Variants in DAG1 observed in about 807,000 individuals in gnomAD.
DAG1 encodes dystroglycan 1 (dystrophin-associated glycoprotein 1).
A neutral mutation model predicts 46.1 loss-of-function variants in DAG1; 8 were observed. The observed-to-expected ratio is 0.17, with a 90% CI of 0.10 to 0.31. The LOEUF (loss-of-function observed/expected upper bound fraction) is 0.31. Among genes scored for constraint, DAG1 ranks in the 10% least tolerant of loss-of-function variants. The pLI, the probability that DAG1 is intolerant of heterozygous loss-of-function variation, is 1.00. For missense variants in DAG1, 1,003 were observed against 1,189.9 expected (o/e 0.84, Z 2.31); for synonymous variants, 495 against 481.8 (o/e 1.03, Z -0.36).
chr3:49,535,070 G>C lies in DAG1; in HGVS notation c.*1871G>C, dbSNP rs1363166650. 2 of 152,250 alleles carry C rather than the reference G, an allele frequency of 1.3e-5. No individual in the cohort carries two copies. Among genetic ancestry groups the C allele is most frequent in the Non-Finnish European group, 2.9e-5 (2 of 68,074 alleles). The allele number at this position is 152,250 out of a possible 1,614,324, so 9.4% of individuals were successfully genotyped here. A position where few individuals can be genotyped will look rare whatever the true frequency, so the allele number is the denominator to read the frequency against. ...TCTCCCCTGCCCCAGTCCCCAGGGGGTACTCTGGAGTGAGCAGTGCCCCTG... is the reference window on the plus strand; with the variant it reads ...TCTCCCCTGCCCCAGTCCCCAGGGGCTACTCTGGAGTGAGCAGTGCCCCTG... On this transcript the variant is annotated 3_prime_UTR_variant, in exon 3 of 3. Coordinates refer to ENST00000308775, the MANE Select transcript of DAG1 (RefSeq NM_004393.6).
chr3:49,491,466 A>G (rs1223637263), intron 1 of DAG1, among the ~76,000 whole-genome samples: 1 of 151,256 alleles, frequency 6.6e-6, no homozygotes, highest in Non-Finnish European at 1.5e-5. Context: ...ACCTGCCACT[A>G]TGTCCTGCTA....
rs117755396 is a variant in DAG1 at position 49,475,559 on chromosome 3, C to T, written c.-117+5126C>T. Among the ~76,000 whole-genome samples the T allele has an allele frequency of 9.0e-4, 137 of 151,808 alleles. 1 individual carries two copies. In the East Asian group the frequency reaches 0.017, roughly 19 times the overall value. On this transcript the variant is annotated intron_variant, in intron 1 of 2. Coordinates refer to ENST00000308775, the MANE Select transcript of DAG1 (RefSeq NM_004393.6). ...AGCTGGGATTACAGGTATGAGCCACCGTGCCCAGCCAGCAATTTCTATAAA... is the reference window on the plus strand; with the variant it reads ...AGCTGGGATTACAGGTATGAGCCACTGTGCCCAGCCAGCAATTTCTATAAA...
chr3:49,507,029 TC>T (rs1387935338), intron 1 of DAG1, among the ~76,000 whole-genome samples: 1 of 151,238 alleles, frequency 6.6e-6, no homozygotes, highest in African/African-American at 2.4e-5. Context: ...ACAAAATGAA[TC>T]AGGATGTGTT....
chr3:49,510,190 T>C (rs998812714), intron 1 of DAG1: 2 of 488,290 alleles, frequency 4.1e-6, no homozygotes, highest in African/African-American at 4.0e-5. Context: ...TTACATTCAT[T>C]TTTTATGAAG....
chr3:49,507,625 TTTTTTCTTTTTTTTTC>T (rs1184419930), intron 1 of DAG1, among the ~76,000 whole-genome samples: 2 of 151,452 alleles, frequency 1.3e-5, no homozygotes, highest in Admixed American at 6.6e-5. Context: ...TTCTTTTCTT[TTTTTTCTTTTTTTTTC>T]TTTTTCTTTT....
intron 1 of DAG1, among the ~76,000 whole-genome samples, chr3:49,473,408 C>T (rs892361710): frequency 2.6e-5 from 4 of 151,802 alleles, no homozygotes; most frequent in South Asian, 2.1e-4. Context: ...GGCGACAGAG[C>T]GAGACTCCGT....
At chr3:49,510,135 C>G (rs1196632763) in intron 1 of DAG1, 5 of 425,864 alleles carry the variant, frequency 1.2e-5, no homozygotes, top group Non-Finnish European at 1.2e-5. Context: ...TAATACATAT[C>G]ATTTCAGTTT....
Position 49,535,253 on chromosome 3 carries a change from A to G in DAG1, c.*2054A>G, listed in dbSNP as rs768536363. ...CTCATCAAAAAATAAACAATTCCCA[A>G]TGTTCCAGGTGAGGGCTTTGAAAGG... is the stretch of plus-strand genomic sequence containing the variant. On this transcript the variant is annotated 3_prime_UTR_variant, in exon 3 of 3. Coordinates refer to ENST00000308775, the MANE Select transcript of DAG1 (RefSeq NM_004393.6). The G allele has an allele frequency of 3.3e-5, 5 of 152,558 alleles. No individual in the cohort carries two copies. The highest frequency in any genetic ancestry group is 6.5e-5 in the Admixed American group (1 of 15,278). The allele number at this position is 152,558 out of a possible 1,614,324, so 9.5% of individuals were successfully genotyped here. A position where few individuals can be genotyped will look rare whatever the true frequency, so the allele number is the denominator to read the frequency against.
intron 2 of DAG1, among the ~76,000 whole-genome samples, chr3:49,524,761 T>C (rs990999704): frequency 6.6e-6 from 1 of 152,004 alleles, no homozygotes; most frequent in African/African-American, 2.4e-5. Context: ...GGCAGGAGGA[T>C]TGCTTGAGCC....
At chr3:49,491,315 G>GT (rs71226763) in intron 1 of DAG1, among the ~76,000 whole-genome samples, 57,842 of 139,480 alleles carry the variant, frequency 0.41, 13,261 homozygotes, top group East Asian at 0.92. Context: ...CAGCCAAGTT[G>GT]TTTTTTTTTT....
intron 1 of DAG1, chr3:49,488,652 G>C (rs1198968375): frequency 6.6e-6 from 1 of 151,978 alleles, no homozygotes; most frequent in Non-Finnish European, 1.5e-5. Flanking sequence ...TCCCATGCTG[G>C]AGTGCAGTGG....
upstream of DAG1, among the ~76,000 whole-genome samples, chr3:49,469,981 GTCCCGGGACGGACT>G (rs1221531835): frequency 1.3e-5 from 2 of 152,162 alleles, no homozygotes; most frequent in Non-Finnish European, 2.9e-5. Context: ...GCCGGGGTGT[GTCCCGGGACGGACT>G]TCCCTGGCCG....
At chr3:49,510,227 A>G in intron 1 of DAG1, 192 bp from the exon 2 acceptor site, 1 of 520,504 alleles carries the variant, frequency 1.9e-6, no homozygotes, top group Non-Finnish European at 3.4e-6. Flanking sequence ...TATATTTTAT[A>G]TTTAATGGAT....
Position 49,533,144 on chromosome 3 carries a change from C to A in DAG1, c.2633C>A (p.Ser878Tyr). ...PFTAPMEGKG[S>Y]RPKNMTPYRS... ...ACAGCACCCATGGAGGGCAAGGGCT[C>A]CCGTCCCAAGAACATGACCCCATAC... is the stretch of plus-strand genomic sequence containing the variant. Residue 878 changes from serine (S) to tyrosine (Y), a missense_variant, in exon 3 of 3, where the codon TCC (serine) becomes TAC (tyrosine). Physicochemically the swap from Ser to Tyr is moderately radical, Grantham distance 144. This residue lies in a region of DAG1 where 755 missense variants were observed against 854.1 expected (regional missense o/e 0.88). Transcript: ENST00000308775. The A allele has an allele frequency of 6.2e-7, 1 of 1,614,166 alleles. No homozygotes were observed. Among genetic ancestry groups the A allele is most frequent in the Non-Finnish European group, 8.5e-7 (1 of 1,180,042 alleles).
At chr3:49,496,568 G>T (rs1158291914) in intron 1 of DAG1, among the ~76,000 whole-genome samples, 2 of 151,628 alleles carry the variant, frequency 1.3e-5, no homozygotes, top group Non-Finnish European at 2.9e-5. Context: ...CACCATATTG[G>T]CCAGGCTGGT....
At chr3:49,513,312 G>A (rs909047072) in intron 2 of DAG1, among the ~76,000 whole-genome samples, 7 of 152,142 alleles carry the variant, frequency 4.6e-5, no homozygotes, top group Admixed American at 1.3e-4. Context: ...CTCAAAGCAC[G>A]ATAGATGGAT....
intron 1 of DAG1, among the ~76,000 whole-genome samples, chr3:49,502,713 A>G (rs773977195): frequency 7.0e-6 from 1 of 143,456 alleles, no homozygotes; most frequent in Non-Finnish European, 1.5e-5. Flanking sequence ...ATCTCGGCTC[A>G]CTACAAGCTC....
At position 49,526,539 on chromosome 3, in the gene DAG1, T is replaced by C. The variant is rs1575404911; in HGVS notation, c.286-4258T>C. 2.6e-5 allele frequency among the ~76,000 whole-genome samples: 4 copies of C among 151,294 alleles called. No individual in the cohort carries two copies. In the East Asian group the frequency reaches 5.9e-4, roughly 22 times the overall value. ...GCCTGGGCAACATGGCGAAATCCCA[T>C]CTCTAAAAAAAGAAAAAGAAAAAAA... On this transcript the variant is annotated intron_variant, in intron 2 of 2. Transcript: ENST00000308775.
At position 49,514,460 on chromosome 3, in the gene DAG1, G is replaced by A. The variant is rs1304400400; in HGVS notation, c.285+3641G>A. Among the ~76,000 whole-genome samples, 3 of 152,160 alleles carry A rather than the reference G, an allele frequency of 2.0e-5. No homozygotes were observed. In the East Asian group the frequency reaches 5.8e-4, roughly 29 times the overall value. On this transcript the variant is annotated intron_variant, in intron 2 of 2. Transcript: ENST00000308775. The stretch of plus-strand genomic sequence containing the variant: ...CATATTAGACAGACCTAGGATCATA[G>A]TGGATATATTTTTTAACCTTTTTTT...
Sources: allele counts gnomAD v4.1 joint callset (sites outside exome capture counted in the v4.1 genomes callset), GRCh38; gene constraint gnomAD v4.1.1; regional missense constraint gnomAD v4.1.1; transcripts MANE v1.5; gene names NCBI Gene and HGNC (gene_info 2026-07-23, HGNC 2026-07-21).